EPHA1: variants seen among roughly 807,000 people sequenced by gnomAD.
The protein encoded by EPHA1 is EPH receptor A1.
In EPHA1, 92 loss-of-function variants were observed where a neutral mutation model predicts 110.1. The observed-to-expected ratio is 0.84, with a 90% CI of 0.71 to 0.99. The LOEUF is 0.99. Ranked by LOEUF, EPHA1 falls within the 50% of genes least tolerant of loss-of-function variation. The pLI, the probability that EPHA1 is intolerant of heterozygous loss-of-function variation, is 0.00. For synonymous variants in EPHA1, 500 were observed against 516.1 expected (o/e 0.97, Z 0.42); for missense variants, 1,204 against 1,285.4 (o/e 0.94, Z 0.97).
At chr7:143,408,171 G>C (rs1805608883) in intron 1 of EPHA1, among the ~76,000 whole-genome samples, 1 of 152,234 alleles carries the variant, frequency 6.6e-6, no homozygotes, top group East Asian at 1.9e-4. Context: ...CCGTGAAGTG[G>C]GGATAAGAGG....
chr7:143,399,801 C>CCT lies in EPHA1; in HGVS notation c.684_685insAG (p.Gly229ArgfsTer32). On this transcript the variant is annotated frameshift_variant, in exon 4 of 18. Transcript: ENST00000275815. LOFTEE classifies it high-confidence loss of function. Reference sequence around the variant, plus strand: ...GCCCGCGCGTGGGGCAAGCAGGTCCCCGCCACTTCCACCAACCCAGCGGGG... The same window carrying CCT: ...GCCCGCGCGTGGGGCAAGCAGGTCCCCTCGCCACTTCCACCAACCCAGCGGGG... 1 of 1,611,918 alleles carries CCT rather than the reference C, an allele frequency of 6.2e-7. No homozygotes were observed. The highest frequency in any genetic ancestry group is 8.5e-7 in the Non-Finnish European group (1 of 1,179,026).
chr7:143,401,354 G>A lies in EPHA1; in HGVS notation c.402C>T (p.Gly134=), dbSNP rs969986900. 1 of 1,614,078 alleles carries A rather than the reference G, an allele frequency of 6.2e-7. No individual in the cohort carries two copies. Residue 134 remains glycine (G), a synonymous_variant, in exon 3 of 18, where the codon GGC becomes GGT. Transcript: ENST00000275815. This position sits in a 1 kb window ranked among gnomAD's most constrained non-coding sequence, Gnocchi z 4.1. ...LLYMESDQDV[G]IQLRRPLFQK... ...GGAACAAGGGCCGTCGGAGCTGAAT[G>A]CCCACATCCTGGTCACTCTCCATGT...
At position 143,399,308 on chromosome 7, in the gene EPHA1, TCA is replaced by T. The variant is rs1199574359; in HGVS notation, c.939_940del (p.Cys313Ter). ...CCCGGGAGCTCTGTAATGGCCGCTC[TCA>T]CAGGTACAGATGGTGGCCCCCTCAG... is the stretch of plus-strand genomic sequence containing the variant. On this transcript the variant is annotated stop_gained and frameshift_variant, in exon 5 of 18. Transcript: ENST00000275815. LOFTEE classifies it high-confidence loss of function. 5 of 1,612,330 alleles carry T rather than the reference TCA, an allele frequency of 3.1e-6. No individual in the cohort carries two copies. The highest frequency in any genetic ancestry group is 3.3e-5 in the Admixed American group (2 of 59,990).
chr7:143,399,878 C>T lies in EPHA1; in HGVS notation c.608G>A (p.Arg203His), dbSNP rs373761584. 9 of 1,607,278 alleles carry T rather than the reference C, an allele frequency of 5.6e-6. No homozygotes were observed. Among genetic ancestry groups the T allele is most frequent in the East Asian group, 2.2e-5 (1 of 44,500 alleles). ...ALVSVRVFYQRCPETLNGLAQ... is the reference protein window; with the variant it reads ...ALVSVRVFYQHCPETLNGLAQ... Reference sequence around the variant, plus strand: ...CAAGCCATTCAGGGTCTCAGGACAGCGCTGGTAGAAGACCCGGACAGACAC... The same window carrying T: ...CAAGCCATTCAGGGTCTCAGGACAGTGCTGGTAGAAGACCCGGACAGACAC... The change falls in exon 4 of 18, where the codon CGC becomes CAC. Residue 203 changes from arginine to histidine, a missense_variant. By Grantham distance (29) the Arg-to-His change is conservative (BLOSUM62 0). Coordinates refer to ENST00000275815, the MANE Select transcript of EPHA1 (RefSeq NM_005232.5).
chr7:143,393,522 G>A lies in EPHA1; in HGVS notation c.2696+149C>T. 1 of 822,184 alleles carries A rather than the reference G, an allele frequency of 1.2e-6. No homozygotes were observed. Among genetic ancestry groups the A allele is most frequent in the South Asian group, 1.9e-5 (1 of 51,424 alleles). The allele number at this position is 822,184 out of a possible 1,614,324, so 50.9% of individuals were successfully genotyped here. Reference sequence around the variant, plus strand: ...ATGCATAATCTAAAGCTGACCTCTTGGACTCTCCCCAAGGGCACGTCTTGC... The same window carrying A: ...ATGCATAATCTAAAGCTGACCTCTTAGACTCTCCCCAAGGGCACGTCTTGC... On this transcript the variant is annotated intron_variant, in intron 16 of 17. Coordinates refer to ENST00000275815, the MANE Select transcript of EPHA1 (RefSeq NM_005232.5). This position sits in a 1 kb window ranked among gnomAD's most constrained non-coding sequence, Gnocchi z 5.6.
Position 143,398,351 on chromosome 7 carries a change from G to T in EPHA1, c.1434C>A (p.Asn478Lys). The change falls in exon 7 of 18, where the codon AAC becomes AAA. Residue 478 changes from asparagine (N) to lysine (K), a missense_variant. Asn to Lys is a moderately conservative substitution (Grantham distance 94, BLOSUM62 0). Transcript: ENST00000275815. ...TCAGCACGTGCAGCTCATAGGTCAG[G>T]TTCGCCCCAGGGCTTCGGGGCCGGG... The part of the protein sequence containing the change: ...AGSRPRSPGA[N>K]LTYELHVLNQ... 1.2e-6 allele frequency: 2 copies of T among 1,614,120 alleles called. No homozygotes were observed. Among genetic ancestry groups the T allele is most frequent in the East Asian group, 2.2e-5 (1 of 44,876 alleles).
At position 143,399,019 on chromosome 7, in the gene EPHA1, A is replaced by G. The variant is rs1805342837; in HGVS notation, c.992-74T>C. 5.0e-6 allele frequency: 7 copies of G among 1,391,172 alleles called. No homozygotes were observed. In the South Asian group the frequency reaches 7.0e-5, roughly 14 times the overall value. 86.2% of individuals were successfully genotyped at this position (1,391,172 alleles called of 1,614,324 possible). A position where few individuals can be genotyped will look rare whatever the true frequency, so the allele number is the denominator to read the frequency against. On this transcript the variant is annotated intron_variant, in intron 5 of 17. Coordinates refer to ENST00000275815, the MANE Select transcript of EPHA1 (RefSeq NM_005232.5). Reference sequence around the variant, plus strand: ...GAGCTGCTGATCCCCGGCCTCCACCACCACCCAATTCTCGATGTCCTCTGA... The same window carrying G: ...GAGCTGCTGATCCCCGGCCTCCACCGCCACCCAATTCTCGATGTCCTCTGA...
chr7:143,398,741 AGCCCCCGG>A lies in EPHA1; in HGVS notation c.1188_1195del (p.Arg397HisfsTer11), dbSNP rs762035521. 3 of 1,614,004 alleles carry A rather than the reference AGCCCCCGG, an allele frequency of 1.9e-6. No homozygotes were observed. The highest frequency in any genetic ancestry group is 1.3e-5 in the African/African-American group (1 of 75,014). On this transcript the variant is annotated frameshift_variant, in exon 6 of 18. Transcript: ENST00000275815. LOFTEE classifies it high-confidence loss of function. ...ATTGACATGCACTGCAGGTGTGGTG[AGCCCCCGG>A]GCCCCCGGCGAGAAGTGCACGCCCA...
rs1298379383 is a variant in EPHA1 at position 143,397,544 on chromosome 7, G to GT, written c.1712+16_1712+17insA. 1.2e-6 allele frequency: 2 copies of GT among 1,613,684 alleles called. No homozygotes were observed. Among genetic ancestry groups the GT allele is most frequent in the African/African-American group, 1.3e-5 (1 of 74,912 alleles). ...TGACCCAGGGCTGGTGGTTGGGGAG[G>GT]GGGCAGGAGCTGGCACCTGGACCGG... On this transcript the variant is annotated intron_variant, in intron 9 of 17. Transcript: ENST00000275815.
intron 14 of EPHA1, 67 bp downstream of exon 14, chr7:143,394,741 T>G (rs1035512284): frequency 1.3e-6 from 2 of 1,577,680 alleles, no homozygotes; most frequent in African/African-American, 2.7e-5. Flanking sequence ...CCTATATACA[T>G]GTGACTGTAT....
At chr7:143,397,716 G>A in intron 8 of EPHA1, 59 bp from the exon 9 acceptor site, 1 of 1,599,378 alleles carries the variant, frequency 6.3e-7, no homozygotes, top group African/African-American at 1.3e-5. Flanking sequence ...AATGAGGGGG[G>A]TTAAAGGGCA....
intron 14 of EPHA1, 107 bp from the exon 15 acceptor site, chr7:143,394,450 C>G: frequency 7.4e-7 from 1 of 1,351,214 alleles, no homozygotes; most frequent in Non-Finnish European, 9.8e-7. Context: ...GAGACAAAGT[C>G]TCGCTCTGTT....
rs1805093585 is a variant in EPHA1 at position 143,391,732 on chromosome 7, G to A, written c.2740C>T (p.Pro914Ser). The A allele has an allele frequency of 6.2e-7, 1 of 1,613,884 alleles. No individual in the cohort carries two copies. Among genetic ancestry groups the A allele is most frequent in the Non-Finnish European group, 8.5e-7 (1 of 1,179,992 alleles). Residue 914 changes from proline to serine, a missense_variant, in exon 17 of 18, where the codon CCA (proline) becomes TCA (serine). By Grantham distance (74) the Pro-to-Ser change is moderately conservative (BLOSUM62 -1). Coordinates refer to ENST00000275815, the MANE Select transcript of EPHA1 (RefSeq NM_005232.5). Reference protein sequence around the residue: ...LPSLSGSDGIPYRTVSEWLES... With the variant: ...LPSLSGSDGISYRTVSEWLES... ...AGCCACTCAGAGACGGTTCGATATG[G>A]GATCCCATCTGAGCCACTCAGGCTG...
At chr7:143,394,562 A>T (rs967223227) in intron 14 of EPHA1, among the ~76,000 whole-genome samples, 4 of 152,088 alleles carry the variant, frequency 2.6e-5, no homozygotes, top group Admixed American at 6.5e-5. Context: ...CTGGGACTAC[A>T]GGCGCCTGCC....
chr7:143,395,097 C>T lies in EPHA1; in HGVS notation c.2145+24G>A. On this transcript the variant is annotated intron_variant, in intron 13 of 17. Coordinates refer to ENST00000275815, the MANE Select transcript of EPHA1 (RefSeq NM_005232.5). The surrounding 1 kb of genome is among the most constrained non-coding windows in gnomAD (Gnocchi z 4.7). The stretch of plus-strand genomic sequence containing the variant: ...GGGTACCATGGTGCATCCCCCTCCC[C>T]AGCTAGTCCTCTGCCCTCCTCACCC... 1 of 1,614,094 alleles carries T rather than the reference C, an allele frequency of 6.2e-7. No individual in the cohort carries two copies. Among genetic ancestry groups the T allele is most frequent in the Middle Eastern group, 1.6e-4 (1 of 6,062 alleles).
Position 143,396,485 on chromosome 7 carries a change from A to G in EPHA1, c.1797T>C (p.Tyr599=). Residue 599 remains tyrosine, a synonymous_variant, in exon 11 of 18, where the codon TAT becomes TAC. Coordinates refer to ENST00000275815, the MANE Select transcript of EPHA1 (RefSeq NM_005232.5). Reference sequence around the variant, plus strand: ...GGTCCTCGTATGCCTGGAGGTCCACATAAGGCTTCAGCCACAGCTTGTCCT... The same window carrying G: ...GGTCCTCGTATGCCTGGAGGTCCACGTAAGGCTTCAGCCACAGCTTGTCCT... ...DREDKLWLKP[Y]VDLQAYEDPA... The G allele has an allele frequency of 6.2e-7, 1 of 1,614,014 alleles. No homozygotes were observed. The highest frequency in any genetic ancestry group is 8.5e-7 in the Non-Finnish European group (1 of 1,179,932).
chr7:143,396,364 G>A, intron 11 of EPHA1, 21 bp downstream of exon 11: 2 of 1,607,390 alleles, frequency 1.2e-6, no homozygotes, highest in Admixed American at 1.7e-5. Flanking sequence ...GGGGCCTGCT[G>A]CGGTGCACAG....
rs751117100 is a variant in EPHA1 at position 143,394,218 on chromosome 7, A to G, written c.2478T>C (p.Pro826=). The change falls in exon 15 of 18, where the codon CCT becomes CCC. Residue 826 remains proline, a synonymous_variant. Transcript: ENST00000275815. Reference sequence around the variant, plus strand: ...CCTCCTGATTGCTCATCTCCCCATAAGGCTTGTCCCCAAAGCTCAGCACCT... The same window carrying G: ...CCTCCTGATTGCTCATCTCCCCATAGGGCTTGTCCCCAAAGCTCAGCACCT... ...MWEVLSFGDK[P]YGEMSNQEVM... The G allele has an allele frequency of 5.9e-5, 96 of 1,613,876 alleles. No homozygotes were observed. Among genetic ancestry groups the G allele is most frequent in the Non-Finnish European group, 7.9e-5 (93 of 1,179,968 alleles).
At chr7:143,399,211 A>T (rs1400744078) in intron 5 of EPHA1, 47 bp downstream of exon 5, 1 of 1,584,962 alleles carries the variant, frequency 6.3e-7, no homozygotes, top group African/African-American at 1.4e-5. Context: ...CTCAGCAAAG[A>T]TCCAGCCCCT....
Sources: allele counts gnomAD v4.1 joint callset (sites outside exome capture counted in the v4.1 genomes callset), GRCh38; gene constraint gnomAD v4.1.1; non-coding constraint Gnocchi (gnomAD v3.1); transcripts MANE v1.5; gene names NCBI Gene and HGNC (gene_info 2026-07-23, HGNC 2026-07-21).